MBL2: variants seen among roughly 807,000 people sequenced by gnomAD.
MBL2 encodes mannose binding lectin 2, also known as mannose-binding protein C.
A neutral mutation model predicts 12.7 loss-of-function variants in MBL2; 6 were observed. The ratio of observed to expected loss-of-function variants is 0.47; its 90% CI spans 0.26 to 0.94. The LOEUF (loss-of-function observed/expected upper bound fraction) is 0.94. Among genes scored for constraint, MBL2 ranks in the 40% least tolerant of loss-of-function variants. The pLI is 0.15. For missense variants in MBL2, 307 were observed against 295.2 expected (o/e 1.04, Z -0.29); for synonymous variants, 114 against 112.0 (o/e 1.02, Z -0.11).
At chr10:52,771,714 G>A in intron 1 of MBL2, 70 bp from the exon 2 acceptor site, 1 of 1,511,812 alleles carries the variant, frequency 6.6e-7, no homozygotes, top group Non-Finnish European at 8.9e-7. Flanking sequence ...CATGCCCTCT[G>A]TCCTACAATC....
Position 52,767,992 on chromosome 10 carries a change from G to A in MBL2, c.*145C>T, listed in dbSNP as rs1840331163. 2 of 925,486 alleles carry A rather than the reference G, an allele frequency of 2.2e-6. 1 individual carries two copies. Among genetic ancestry groups the A allele is most frequent in the African/African-American group, 3.3e-5 (2 of 59,842 alleles). 57.3% of individuals were successfully genotyped at this position (925,486 alleles called of 1,614,324 possible). A position where few individuals can be genotyped will look rare whatever the true frequency, so the allele number is the denominator to read the frequency against. On this transcript the variant is annotated 3_prime_UTR_variant, in exon 5 of 5. Transcript: ENST00000674931. ...TACTACTACTATTATTGCTTTGTTGGTGCTGTTAGTGATCATTTTTAGTGA... is the reference window on the plus strand; with the variant it reads ...TACTACTACTATTATTGCTTTGTTGATGCTGTTAGTGATCATTTTTAGTGA...
chr10:52,771,467 C>G lies in MBL2; in HGVS notation c.169G>C (p.Gly57Arg), dbSNP rs752913198. The change falls in exon 2 of 5, where the codon GGA (glycine) becomes CGA (arginine). Residue 57 changes from glycine to arginine, a missense_variant. By Grantham distance (125) the Gly-to-Arg change is moderately radical. Coordinates refer to ENST00000674931, the MANE Select transcript of MBL2 (RefSeq NM_001378373.1). ...CACGTACCTGGTTCCCCCTTTTCTC[C>G]CTTGGTGCCATCACGCCCATCTTTG... Reference protein sequence around the residue: ...PGKDGRDGTKGEKGEPGQGLR... With the variant: ...PGKDGRDGTKREKGEPGQGLR... 4.3e-6 allele frequency: 7 copies of G among 1,613,860 alleles called. No individual in the cohort carries two copies. The highest frequency in any genetic ancestry group is 4.2e-6 in the Non-Finnish European group (5 of 1,179,842).
chr10:52,768,600 C>T lies in MBL2; in HGVS notation c.374-90G>A, dbSNP rs181883676. 314 of 855,678 alleles carry T rather than the reference C, an allele frequency of 3.7e-4. 7 individuals carry two copies. In the African/African-American group the frequency reaches 3.7e-3, roughly 10 times the overall value. 53.0% of individuals were successfully genotyped at this position (855,678 alleles called of 1,614,324 possible). A position where few individuals can be genotyped will look rare whatever the true frequency, so the allele number is the denominator to read the frequency against. ...AAAAAGTCTTCTAGAGTACAGTTGCCGGATAAAATATAGTATGTCCAGTTA... is the reference window on the plus strand; with the variant it reads ...AAAAAGTCTTCTAGAGTACAGTTGCTGGATAAAATATAGTATGTCCAGTTA... On this transcript the variant is annotated intron_variant, in intron 4 of 4. Transcript: ENST00000674931.
rs1840300154 is a variant in MBL2 at position 52,766,041 on chromosome 10, G to A, written c.*2096C>T. 6.6e-6 allele frequency: 1 copy of A among 151,832 alleles called. No individual in the cohort carries two copies. Among genetic ancestry groups the A allele is most frequent in the Non-Finnish European group, 1.5e-5 (1 of 67,936 alleles). 9.4% of individuals were successfully genotyped at this position (151,832 alleles called of 1,614,324 possible). A position where few individuals can be genotyped will look rare whatever the true frequency, so the allele number is the denominator to read the frequency against. On this transcript the variant is annotated 3_prime_UTR_variant, in exon 5 of 5. Transcript: ENST00000674931. ...AAAACCACCAAAACAAGATATACAA[G>A]GTTTTTAAACTAAAAATGTCAAAAC...
In MBL2 at chr10:52,766,694, T is replaced by C. The variant is rs1840309944; in HGVS notation, c.*1443A>G. On this transcript the variant is annotated 3_prime_UTR_variant, in exon 5 of 5. Transcript: ENST00000674931. ...TAAGACTTTCTCAAAATTAGGAAAT[T>C]TTGTTCATCAAAATTCAACATTAGG... is the stretch of plus-strand genomic sequence containing the variant. 1.3e-5 allele frequency: 2 copies of C among 152,102 alleles called. No homozygotes were observed. Among genetic ancestry groups the C allele is most frequent in the Admixed American group, 1.3e-4 (2 of 15,266 alleles). The allele number at this position is 152,102 out of a possible 1,614,324, so 9.4% of individuals were successfully genotyped here.
chr10:52,770,278 T>C (rs1391892301), intron 3 of MBL2, among the ~76,000 whole-genome samples: 1 of 152,254 alleles, frequency 6.6e-6, no homozygotes, highest in Non-Finnish European at 1.5e-5. Flanking sequence ...TATTAAGCTT[T>C]GGCTTGGTTT....
intron 1 of MBL2, 187 bp from the exon 2 acceptor site, chr10:52,771,831 G>A: frequency 1.3e-6 from 1 of 779,900 alleles, no homozygotes; most frequent in Non-Finnish European, 2.0e-6. Flanking sequence ...TTTAACAAAG[G>A]TAGGCACTAT....
At chr10:52,770,570 A>T (rs964367240) in intron 3 of MBL2, 100 bp downstream of exon 3, 3 of 688,598 alleles carry the variant, frequency 4.4e-6, no homozygotes, top group Non-Finnish European at 6.7e-6. Context: ...AAATTTGGGT[A>T]TCTTCCTTTG....
chr10:52,766,297 G>A lies in MBL2; in HGVS notation c.*1840C>T, dbSNP rs1036415723. The A allele has an allele frequency of 6.6e-6, 1 of 152,052 alleles. No individual in the cohort carries two copies. The highest frequency in any genetic ancestry group is 2.4e-5 in the African/African-American group (1 of 41,396). The allele number at this position is 152,052 out of a possible 1,614,324, so 9.4% of individuals were successfully genotyped here. A position where few individuals can be genotyped will look rare whatever the true frequency, so the allele number is the denominator to read the frequency against. ...CTGGACTATAGTTACAACTATAAAT[G>A]TACAATAATTAAGATAGTGTACTGT... On this transcript the variant is annotated 3_prime_UTR_variant, in exon 5 of 5. Transcript: ENST00000674931.
intron 3 of MBL2, among the ~76,000 whole-genome samples, chr10:52,770,195 G>C (rs1840369998): frequency 6.6e-6 from 1 of 152,204 alleles, no homozygotes; most frequent in African/African-American, 2.4e-5. Flanking sequence ...GGTAAGCCCA[G>C]CTTAAACCAG....
intron 1 of MBL2, 103 bp downstream of exon 1, chr10:52,772,634 A>C: frequency 9.7e-6 from 5 of 516,594 alleles, no homozygotes; most frequent in Non-Finnish European, 1.2e-5. Context: ...TTTCCATCCC[A>C]CTCCCCCCAC....
At chr10:52,771,297 T>C in intron 2 of MBL2, 152 bp downstream of exon 2, 1 of 946,002 alleles carries the variant, frequency 1.1e-6, no homozygotes, top group Non-Finnish European at 1.5e-6. Flanking sequence ...TGTGGAATTC[T>C]GAGATGCCAG....
intron 4 of MBL2, 47 bp downstream of exon 4, chr10:52,769,199 AT>A: frequency 7.6e-7 from 1 of 1,311,236 alleles, no homozygotes; most frequent in Non-Finnish European, 1.1e-6. Context: ...GTTGCATTCT[AT>A]TTTTCCCAAA....
In MBL2 at chr10:52,772,720, C is replaced by T. The variant is rs565437337; in HGVS notation, c.-10+17G>A. 18 of 985,276 alleles carry T rather than the reference C, an allele frequency of 1.8e-5. No individual in the cohort carries two copies. The Admixed American group carries it at 3.1e-4, about 17-fold the overall frequency. The allele number at this position is 985,276 out of a possible 1,614,324, so 61.0% of individuals were successfully genotyped here. A position where few individuals can be genotyped will look rare whatever the true frequency, so the allele number is the denominator to read the frequency against. On this transcript the variant is annotated intron_variant, in intron 1 of 4. Transcript: ENST00000674931. Reference sequence around the variant, plus strand: ...CTTGATCCGGAAACCCAGATTTATTCACCAGAAATGACTTACTGGTGTTTC... The same window carrying T: ...CTTGATCCGGAAACCCAGATTTATTTACCAGAAATGACTTACTGGTGTTTC...
At chr10:52,769,915 CTA>C (rs34130848) in intron 3 of MBL2, among the ~76,000 whole-genome samples, 44,366 of 152,014 alleles carry the variant, frequency 0.29, 7,825 homozygotes, top group African/African-American at 0.51. Flanking sequence ...AGACATGAGT[CTA>C]TTACCCCACT....
chr10:52,767,132 C>A lies in MBL2; in HGVS notation c.*1005G>T, dbSNP rs1403990136. The stretch of plus-strand genomic sequence containing the variant: ...AATACATGCTTTCCTCATCCTCTAC[C>A]AGTTCCACTCCTGGATAGGTAGTGA... On this transcript the variant is annotated 3_prime_UTR_variant, in exon 5 of 5. Transcript: ENST00000674931. 1.3e-5 allele frequency: 2 copies of A among 151,996 alleles called. No individual in the cohort carries two copies. The highest frequency in any genetic ancestry group is 1.9e-4 in the East Asian group (1 of 5,194). The allele number at this position is 151,996 out of a possible 1,614,324, so 9.4% of individuals were successfully genotyped here.
In MBL2 at chr10:52,769,007, C is replaced by T. The variant is rs1013284309; in HGVS notation, c.373+240G>A. 2.6e-5 allele frequency among the ~76,000 whole-genome samples: 4 copies of T among 151,952 alleles called. 1 individual carries two copies. Among genetic ancestry groups the T allele is most frequent in the Admixed American group, 2.0e-4 (3 of 15,256 alleles). On this transcript the variant is annotated intron_variant, in intron 4 of 4. Coordinates refer to ENST00000674931, the MANE Select transcript of MBL2 (RefSeq NM_001378373.1). Reference sequence around the variant, plus strand: ...CAGACGGTAAAGGATTAGGGTCTCTCGAGTCAGACTGACTTCCATCTATAA... The same window carrying T: ...CAGACGGTAAAGGATTAGGGTCTCTTGAGTCAGACTGACTTCCATCTATAA...
At chr10:52,770,491 C>T (rs1840373900) in intron 3 of MBL2, among the ~76,000 whole-genome samples, 179 bp downstream of exon 3, 1 of 152,196 alleles carries the variant, frequency 6.6e-6, no homozygotes, top group African/African-American at 2.4e-5. Flanking sequence ...AGTCTGTACT[C>T]AGGCACTTAT....
chr10:52,766,673 A>G lies in MBL2; in HGVS notation c.*1464T>C, dbSNP rs998544839. The G allele has an allele frequency of 1.3e-5, 2 of 152,292 alleles. No individual in the cohort carries two copies. Among genetic ancestry groups the G allele is most frequent in the Middle Eastern group, 3.4e-3 (1 of 294 alleles). The allele number at this position is 152,292 out of a possible 1,614,324, so 9.4% of individuals were successfully genotyped here. ...TTGAAAGAAAATATGAATAAATAAG[A>G]CTTTCTCAAAATTAGGAAATTTTGT... On this transcript the variant is annotated 3_prime_UTR_variant, in exon 5 of 5. Coordinates refer to ENST00000674931, the MANE Select transcript of MBL2 (RefSeq NM_001378373.1).
Sources: allele counts gnomAD v4.1 joint callset (sites outside exome capture counted in the v4.1 genomes callset), GRCh38; gene constraint gnomAD v4.1.1; transcripts MANE v1.5; gene names NCBI Gene and HGNC (gene_info 2026-07-23, HGNC 2026-07-21).